Variants in DAAM1 observed in about 807,000 individuals in gnomAD.
The protein encoded by DAAM1 is disheveled-associated activator of morphogenesis 1.
DAAM1 carries 52 observed loss-of-function variants against 130.0 expected under a neutral mutation model. That is an observed-to-expected ratio of 0.40 (90% CI 0.32 to 0.50). DAAM1 has a LOEUF of 0.50. DAAM1 is among the 20% of genes least tolerant of loss of function. The pLI is 0.61. For synonymous variants in DAAM1, 452 were observed against 444.5 expected (o/e 1.02, Z -0.21); for missense variants, 1,134 against 1,303.8 (o/e 0.87, Z 2.01).
At chr14:59,331,702 G>A in intron 14 of DAAM1, 111 bp from the exon 15 acceptor site, 1 of 1,491,946 alleles carries the variant, frequency 6.7e-7, no homozygotes, top group Non-Finnish European at 9.0e-7. Context: ...CCGTCACTTT[G>A]AGTGTCTGGT....
chr14:59,278,276 A>C (rs1883057258), intron 2 of DAAM1, among the ~76,000 whole-genome samples: 1 of 152,140 alleles, frequency 6.6e-6, no homozygotes, highest in African/African-American at 2.4e-5. Flanking sequence ...GAGGAAGATC[A>C]TCTGCTGCGG....
intron 1 of DAAM1, among the ~76,000 whole-genome samples, chr14:59,256,637 G>C (rs1881899884): frequency 6.6e-6 from 1 of 152,204 alleles, no homozygotes; most frequent in Non-Finnish European, 1.5e-5. Context: ...GGGCCCAGCT[G>C]TCATGGTGGA....
intron 2 of DAAM1, among the ~76,000 whole-genome samples, chr14:59,279,805 C>T (rs762528481): frequency 3.3e-5 from 5 of 152,112 alleles, no homozygotes; most frequent in Non-Finnish European, 7.4e-5. Flanking sequence ...AGGCAAGCCA[C>T]AGGCTAGGAG....
intron 1 of DAAM1, among the ~76,000 whole-genome samples, chr14:59,259,515 A>G (rs1402289764): frequency 6.6e-6 from 1 of 152,118 alleles, no homozygotes; most frequent in Admixed American, 6.5e-5. Context: ...CCTGGGGAAC[A>G]CTTCCCCATC....
chr14:59,267,892 ACG>A (rs1205606564), intron 2 of DAAM1, among the ~76,000 whole-genome samples: 34 of 125,898 alleles, frequency 2.7e-4, no homozygotes, highest in Non-Finnish European at 4.3e-4. Context: ...ATGTGGATAT[ACG>A]CCCCCCCCTT....
chr14:59,354,023 G>T, intron 19 of DAAM1, 59 bp downstream of exon 19: 2 of 1,528,516 alleles, frequency 1.3e-6, no homozygotes, highest in Admixed American at 3.5e-5. Context: ...ATTTAAAAGT[G>T]CAATCCAAGT....
At chr14:59,281,994 C>T (rs2139544880) in intron 2 of DAAM1, among the ~76,000 whole-genome samples, 1 of 152,244 alleles carries the variant, frequency 6.6e-6, no homozygotes, top group South Asian at 2.1e-4. Flanking sequence ...CCAGATTGCT[C>T]ATAGGATAAA....
intron 17 of DAAM1, 31 bp from the exon 18 acceptor site, chr14:59,352,495 C>T (rs779721720): frequency 4.5e-5 from 70 of 1,548,378 alleles, no homozygotes; most frequent in Non-Finnish European, 2.4e-5. Flanking sequence ...AGTGATAAAC[C>T]TCAGTTTTAA....
At chr14:59,320,241 A>AT (rs1193128072) in intron 4 of DAAM1, among the ~76,000 whole-genome samples, 9 of 152,242 alleles carry the variant, frequency 5.9e-5, no homozygotes, top group Admixed American at 6.5e-5. Context: ...ATCAAATACA[A>AT]GTAGTAGTAT....
intron 3 of DAAM1, among the ~76,000 whole-genome samples, chr14:59,294,475 G>A (rs189679832): frequency 3.9e-5 from 6 of 152,200 alleles, no homozygotes; most frequent in Non-Finnish European, 5.9e-5. Flanking sequence ...AGAGATGGAT[G>A]TTGAGGCCTT....
chr14:59,368,744 G>T lies in DAAM1; in HGVS notation c.3092G>T (p.Arg1031Leu). The T allele has an allele frequency of 6.2e-7, 1 of 1,613,976 alleles. No homozygotes were observed. Among genetic ancestry groups the T allele is most frequent in the Non-Finnish European group, 8.5e-7 (1 of 1,179,932 alleles). Residue 1031 changes from arginine to leucine, a missense_variant, in exon 25 of 25, where the codon CGC becomes CTC. Around this residue, in one of 3 missense-constraint regions of DAAM1, gnomAD observed 644 missense variants for 695.9 expected, o/e 0.93. Transcript: ENST00000360909. ...TTTGATGACCTTGTTTCAGCTTTAC[G>T]CTCAGGAGAAGTGTTTGACAAAGAC... ...GEFDDLVSAL[R>L]SGEVFDKDLS...
At chr14:59,279,949 A>G (rs1883133927) in intron 2 of DAAM1, among the ~76,000 whole-genome samples, 2 of 152,204 alleles carry the variant, frequency 1.3e-5, no homozygotes, top group African/African-American at 4.8e-5. Flanking sequence ...TTCACAAAAG[A>G]ACATGTATGA....
rs1887103473 is a variant in DAAM1 at position 59,370,144 on chromosome 14, C to CTTGTTTTTTTTTTTTTTT, written c.*1287_*1288insGTTTTTTTTTTTTTTTTT. The CTTGTTTTTTTTTTTTTTT allele has an allele frequency of 1.0e-5, 1 of 95,400 alleles. No individual in the cohort carries two copies. Among genetic ancestry groups the CTTGTTTTTTTTTTTTTTT allele is most frequent in the African/African-American group, 3.5e-5 (1 of 28,248 alleles). The allele number at this position is 95,400 out of a possible 1,614,324, so 5.9% of individuals were successfully genotyped here. A position where few individuals can be genotyped will look rare whatever the true frequency, so the allele number is the denominator to read the frequency against. On this transcript the variant is annotated 3_prime_UTR_variant, in exon 25 of 25. Coordinates refer to ENST00000360909, the MANE Select transcript of DAAM1 (RefSeq NM_001270520.2). ...TATAAAGAGGACTGTTACTTTTTTA[C>CTTGTTTTTTTTTTTTTTT]TTTTTTTTTTTTTTTTTTTTTTTTT...
In DAAM1 at chr14:59,263,338, A is replaced by G. The variant is rs968531570; in HGVS notation, c.-37-103A>G. On this transcript the variant is annotated intron_variant, in intron 1 of 24. Transcript: ENST00000360909. Reference sequence around the variant, plus strand: ...TCTCTGTGCCCTGCAGGGCGCACACAGTGTCGTCAGCACACGGAGCTCTTT... The same window carrying G: ...TCTCTGTGCCCTGCAGGGCGCACACGGTGTCGTCAGCACACGGAGCTCTTT... 12 of 956,808 alleles carry G rather than the reference A, an allele frequency of 1.3e-5. No homozygotes were observed. The African/African-American group carries it at 1.3e-4, about 11-fold the overall frequency. The allele number at this position is 956,808 out of a possible 1,614,324, so 59.3% of individuals were successfully genotyped here.
Position 59,330,623 on chromosome 14 carries a change from A to G in DAAM1, c.1495A>G (p.Thr499Ala), listed in dbSNP as rs1351323976. Reference sequence around the variant, plus strand: ...GAAAGAGAAACTTGAAAAGGAGACTACTGAGCATAAGCAAGTCAAGCAGCA... The same window carrying G: ...GAAAGAGAAACTTGAAAAGGAGACTGCTGAGCATAAGCAAGTCAAGCAGCA... ...KMKEKLEKET[T>A]EHKQVKQQVA... Residue 499 changes from threonine to alanine, a missense_variant, in exon 13 of 25, where the codon ACT (threonine) becomes GCT (alanine). Around this residue, in one of 3 missense-constraint regions of DAAM1, gnomAD observed 644 missense variants for 695.9 expected, o/e 0.93. Coordinates refer to ENST00000360909, the MANE Select transcript of DAAM1 (RefSeq NM_001270520.2). 1 of 1,614,058 alleles carries G rather than the reference A, an allele frequency of 6.2e-7. No individual in the cohort carries two copies. The highest frequency in any genetic ancestry group is 8.5e-7 in the Non-Finnish European group (1 of 1,180,002).
intron 8 of DAAM1, 123 bp downstream of exon 8, chr14:59,324,577 G>C: frequency 2.1e-6 from 1 of 465,528 alleles, no homozygotes; most frequent in Admixed American, 4.3e-5. Context: ...GCTTGTATCA[G>C]AATGTTAGTT....
chr14:59,347,150 C>A (rs1238947285), intron 16 of DAAM1, among the ~76,000 whole-genome samples: 1 of 152,132 alleles, frequency 6.6e-6, no homozygotes, highest in East Asian at 1.9e-4. Flanking sequence ...TACTTGATAG[C>A]AAACTTTAAA....
chr14:59,367,856 C>G (rs540003713), intron 24 of DAAM1, among the ~76,000 whole-genome samples: 3 of 152,018 alleles, frequency 2.0e-5, no homozygotes, highest in Non-Finnish European at 2.9e-5. Flanking sequence ...AAGAAATAAT[C>G]ATAAATTTAC....
intron 22 of DAAM1, chr14:59,362,700 T>C (rs2139686417): frequency 6.6e-6 from 1 of 151,268 alleles, no homozygotes; most frequent in Middle Eastern, 3.5e-3. Context: ...AAGAACCAAA[T>C]CAGTGGTAGA....
Sources: gnomAD v4.1 joint callset for allele counts (sites outside exome capture counted in the v4.1 genomes callset) on GRCh38, gnomAD v4.1.1 for gene constraint, gnomAD v4.1.1 regional missense constraint, MANE v1.5 for transcripts, NCBI Gene and HGNC (gene_info 2026-07-23, HGNC 2026-07-21) for gene names.